MICALL2: variants seen among roughly 807,000 people sequenced by gnomAD.
The protein encoded by MICALL2 is MICAL like 2.
Under a neutral mutation model 91.1 loss-of-function variants are expected in MICALL2, and 111 were observed. The ratio of observed to expected loss-of-function variants is 1.22; its 90% CI spans 1.04 to 1.43. The LOEUF is 1.43. Among genes scored for constraint, MICALL2 ranks in the 40% most tolerant of loss-of-function variants. MICALL2 has a pLI of 0.00. For missense variants in MICALL2, 1,556 were observed against 1,236.0 expected (o/e 1.26, Z -3.88); for synonymous variants, 694 against 525.3 (o/e 1.32, Z -4.39).
chr7:1,450,159 G>A, intron 2 of MICALL2, 81 bp downstream of exon 2: 2 of 1,085,490 alleles, frequency 1.8e-6, no homozygotes, highest in East Asian at 2.4e-5. Flanking sequence ...GGCCTGGGGG[G>A]AGTCCCTCGG....
In MICALL2 at chr7:1,445,462, G is replaced by A. The variant is rs1240713077; in HGVS notation, c.642-34C>T. Reference sequence around the variant, plus strand: ...GGAAAGGCACAGGAGCCCCAGCTCGGCACCGCCCACCCCGCCACGCATTCA... The same window carrying A: ...GGAAAGGCACAGGAGCCCCAGCTCGACACCGCCCACCCCGCCACGCATTCA... On this transcript the variant is annotated intron_variant, in intron 5 of 16. Transcript: ENST00000297508. 2.1e-6 allele frequency: 3 copies of A among 1,462,154 alleles called. No individual in the cohort carries two copies. In the African/African-American group the frequency reaches 4.2e-5, roughly 21 times the overall value. 90.6% of individuals were successfully genotyped at this position (1,462,154 alleles called of 1,614,324 possible).
Position 1,438,364 on chromosome 7 carries a change from A to G in MICALL2, c.2123-11T>C. Reference sequence around the variant, plus strand: ...GGGACAAGGGTCTCCCTGGAGAAGGAGCAGGGTGAGCCTCTGGGACCTGGG... The same window carrying G: ...GGGACAAGGGTCTCCCTGGAGAAGGGGCAGGGTGAGCCTCTGGGACCTGGG... On this transcript the variant is annotated splice_polypyrimidine_tract_variant and intron_variant, in intron 10 of 16. Coordinates refer to ENST00000297508, the MANE Select transcript of MICALL2 (RefSeq NM_182924.4). 4.4e-6 allele frequency: 7 copies of G among 1,596,000 alleles called. No homozygotes were observed. Among genetic ancestry groups the G allele is most frequent in the Non-Finnish European group, 4.3e-6 (5 of 1,172,710 alleles).
intron 1 of MICALL2, among the ~76,000 whole-genome samples, chr7:1,457,608 C>T (rs770603741): frequency 6.6e-6 from 1 of 152,248 alleles, no homozygotes; most frequent in Non-Finnish European, 1.5e-5. Flanking sequence ...CAGCGACCAC[C>T]GTGCCAGTGC....
At chr7:1,435,280 C>A (rs1193362040) in intron 15 of MICALL2, 133 bp from the exon 16 acceptor site, 2 of 829,782 alleles carry the variant, frequency 2.4e-6, no homozygotes, top group Non-Finnish European at 4.0e-6. Context: ...CCCCTTCCTG[C>A]TGACAGGCCA....
chr7:1,440,468 G>A (rs1026854794), intron 8 of MICALL2, 123 bp downstream of exon 8: 20 of 871,530 alleles, frequency 2.3e-5, no homozygotes, highest in Non-Finnish European at 3.7e-5. Flanking sequence ...CCTGGCCTCT[G>A]CTACTCACAG....
chr7:1,459,458 G>T lies in MICALL2; in HGVS notation c.-132C>A. On this transcript the variant is annotated 5_prime_UTR_variant, in exon 1 of 17. It adds an upstream start codon to the 5' untranslated region. Coordinates refer to ENST00000297508, the MANE Select transcript of MICALL2 (RefSeq NM_182924.4). ...GCCAGACCCACGGCGCCCAGCCCCA[G>T]CTGAGCCGGACTGAGGGCGACGAGT... The T allele has an allele frequency of 1.2e-6, 1 of 865,486 alleles. No homozygotes were observed. Among genetic ancestry groups the T allele is most frequent in the Non-Finnish European group, 1.6e-6 (1 of 628,480 alleles). The allele number at this position is 865,486 out of a possible 1,614,324, so 53.6% of individuals were successfully genotyped here.
rs969843266 is a variant in MICALL2, at chr7:1,451,243, C to G, written c.144-955G>C. 6.6e-6 allele frequency among the ~76,000 whole-genome samples: 1 copy of G among 152,112 alleles called. No individual in the cohort carries two copies. Among genetic ancestry groups the G allele is most frequent in the Non-Finnish European group, 1.5e-5 (1 of 68,016 alleles). On this transcript the variant is annotated intron_variant, in intron 1 of 16. Coordinates refer to ENST00000297508, the MANE Select transcript of MICALL2 (RefSeq NM_182924.4). The surrounding 1 kb of genome is among the most constrained non-coding windows in gnomAD (Gnocchi z 4.5). ...TGGTCCTGGGACTCCTGATGGGCAC[C>G]TTGGGAGGATACCCTGGGCAGAAAA...
intron 4 of MICALL2, 25 bp downstream of exon 4, chr7:1,447,550 G>A (rs1780654523): frequency 2.1e-6 from 3 of 1,407,222 alleles, no homozygotes; most frequent in Non-Finnish European, 2.9e-6. Context: ...CAGAGAACCA[G>A]GGGGAGGGTG....
chr7:1,449,743 G>A (rs1473687131), intron 2 of MICALL2, among the ~76,000 whole-genome samples: 1 of 152,240 alleles, frequency 6.6e-6, no homozygotes, highest in Non-Finnish European at 1.5e-5. Flanking sequence ...CCACGAGGGA[G>A]CGTGGTGCTT....
chr7:1,434,493 C>G lies in MICALL2; in HGVS notation c.*103G>C. On this transcript the variant is annotated 3_prime_UTR_variant, in exon 17 of 17. Transcript: ENST00000297508. The stretch of plus-strand genomic sequence containing the variant: ...GAATGCCGGGTCCGGGCCGAGCCCA[C>G]GGCCCCGAGTACAAGTCCGGGTTCC... The G allele has an allele frequency of 1.9e-6, 2 of 1,055,318 alleles. No homozygotes were observed. The highest frequency in any genetic ancestry group is 3.0e-6 in the Non-Finnish European group (2 of 676,668). 65.4% of individuals were successfully genotyped at this position (1,055,318 alleles called of 1,614,324 possible).
chr7:1,439,581 A>AT (rs1780172698), intron 9 of MICALL2: 1 of 253,874 alleles, frequency 3.9e-6, no homozygotes, highest in African/African-American at 2.3e-5. Flanking sequence ...ATGAACACTG[A>AT]TGTACACATG....
Position 1,445,595 on chromosome 7 carries a change from C to T in MICALL2, c.642-167G>A, listed in dbSNP as rs148487375. ...CACGTGCTCCTGAGAGCAGGCATTG[C>T]GGACTCCTGTGTTCCACTCACGAGG... On this transcript the variant is annotated intron_variant, in intron 5 of 16. Transcript: ENST00000297508. Among the ~76,000 whole-genome samples the T allele has an allele frequency of 6.1e-3, 928 of 152,322 alleles. 10 individuals are homozygous for T. Among genetic ancestry groups the T allele is most frequent in the African/African-American group, 0.021 (874 of 41,568 alleles).
At position 1,445,397 on chromosome 7, in the gene MICALL2, C is replaced by T; in HGVS notation, c.673G>A (p.Gly225Arg). The T allele has an allele frequency of 6.4e-7, 1 of 1,565,874 alleles. No individual in the cohort carries two copies. Residue 225 changes from glycine to arginine, a missense_variant, in exon 6 of 17, where the codon GGG (glycine) becomes AGG (arginine). Transcript: ENST00000297508. ...GGCTCTCCTGTGGCCTTGTAGGCCCCCGAGTGCAGCGTGCAGGAGCACTGC... is the reference window on the plus strand; with the variant it reads ...GGCTCTCCTGTGGCCTTGTAGGCCCTCGAGTGCAGCGTGCAGGAGCACTGC... ...CKQCSCTLHS[G>R]AYKATGEPGT...
rs1584193969 is a variant in MICALL2, at chr7:1,436,735, C to T, written c.2591+7G>A. On this transcript the variant is annotated splice_region_variant and intron_variant, in intron 15 of 16. Transcript: ENST00000297508. Reference sequence around the variant, plus strand: ...GCTGGGAGGGGCCCCCGGCACCTGCCCCTCACCGGAGCCGGTCCTCGTCCA... The same window carrying T: ...GCTGGGAGGGGCCCCCGGCACCTGCTCCTCACCGGAGCCGGTCCTCGTCCA... 1 of 1,598,462 alleles carries T rather than the reference C, an allele frequency of 6.3e-7. No individual in the cohort carries two copies. The highest frequency in any genetic ancestry group is 1.1e-5 in the South Asian group (1 of 89,964).
chr7:1,454,893 C>T (rs1045131884), intron 1 of MICALL2, among the ~76,000 whole-genome samples: 2 of 152,218 alleles, frequency 1.3e-5, no homozygotes, highest in Admixed American at 1.3e-4. Context: ...CCGCCCCAGC[C>T]ACCCCCACTT....
At chr7:1,456,912 G>A (rs1441721560) in intron 1 of MICALL2, among the ~76,000 whole-genome samples, 1 of 152,226 alleles carries the variant, frequency 6.6e-6, no homozygotes, top group Non-Finnish European at 1.5e-5. Flanking sequence ...ATGGAAGCCT[G>A]TACTAGCTTC....
chr7:1,443,727 G>T (rs997383808), intron 6 of MICALL2, among the ~76,000 whole-genome samples: 2 of 152,212 alleles, frequency 1.3e-5, no homozygotes, highest in Admixed American at 6.5e-5. Context: ...GCTGGGAGCT[G>T]GAAGAGACAA....
Position 1,440,345 on chromosome 7 carries a change from C to T in MICALL2, c.1805+246G>A, listed in dbSNP as rs113368161. On this transcript the variant is annotated intron_variant, in intron 8 of 16. Coordinates refer to ENST00000297508, the MANE Select transcript of MICALL2 (RefSeq NM_182924.4). ...ACCCACACATGGGGAGACTCCACCCCAGCTGCAGGCATGGTGCGTGAACCC... is the reference window on the plus strand; with the variant it reads ...ACCCACACATGGGGAGACTCCACCCTAGCTGCAGGCATGGTGCGTGAACCC... 1.5e-5 allele frequency: 9 copies of T among 618,058 alleles called. 1 individual carries two copies. The highest frequency in any genetic ancestry group is 7.4e-5 in the African/African-American group (4 of 54,350). The allele number at this position is 618,058 out of a possible 1,614,324, so 38.3% of individuals were successfully genotyped here.
intron 14 of MICALL2, chr7:1,437,282 C>G (rs568000352): frequency 3.3e-5 from 17 of 516,692 alleles, no homozygotes; most frequent in African/African-American, 2.7e-4. Context: ...CTCACAACAG[C>G]TGCGTGAGGT....
Sources: gnomAD v4.1 joint callset for allele counts (sites outside exome capture counted in the v4.1 genomes callset) on GRCh38, gnomAD v4.1.1 for gene constraint, Gnocchi (gnomAD v3.1) non-coding constraint, MANE v1.5 for transcripts, NCBI Gene and HGNC (gene_info 2026-07-23, HGNC 2026-07-21) for gene names.